The following LRRC3B variants were observed in gnomAD, a reference collection of about 807,000 sequenced individuals.
LRRC3B encodes leucine-rich repeat-containing protein 3B.
Under a neutral mutation model 12.8 loss-of-function variants are expected in LRRC3B, and 2 were observed. The observed-to-expected ratio is 0.16, with a 90% CI of 0.06 to 0.49. The LOEUF is 0.49. Among genes scored for constraint, LRRC3B ranks in the 20% least tolerant of loss-of-function variants. The pLI, the probability that LRRC3B is intolerant of heterozygous loss-of-function variation, is 0.96. For synonymous variants in LRRC3B, 132 were observed against 122.0 expected (o/e 1.08, Z -0.54); for missense variants, 189 against 319.4 (o/e 0.59, Z 3.11).
intron 1 of LRRC3B, among the ~76,000 whole-genome samples, chr3:26,656,826 A>G (rs553634319): frequency 6.6e-6 from 1 of 152,328 alleles, no homozygotes; most frequent in Non-Finnish European, 1.5e-5. Flanking sequence ...ATTTAAAATC[A>G]AAATTAGAGT....
chr3:26,710,454 G>C lies in LRRC3B; in HGVS notation c.*2G>C, dbSNP rs779942185. ...GATGATATTAGCACTGTGGTATAGT[G>C]TCCAAACTGACTGTCATTGAGAAAG... On this transcript the variant is annotated 3_prime_UTR_variant, in exon 2 of 2. Transcript: ENST00000396641. 9.6e-6 allele frequency: 15 copies of C among 1,557,022 alleles called. No individual in the cohort carries two copies. The South Asian group carries it at 1.6e-4, about 16-fold the overall frequency.
At chr3:26,654,112 T>G (rs1699322001) in intron 1 of LRRC3B, among the ~76,000 whole-genome samples, 1 of 152,206 alleles carries the variant, frequency 6.6e-6, no homozygotes, top group South Asian at 2.1e-4. Context: ...TGGAATAGAA[T>G]CATGATTTAA....
At chr3:26,676,662 A>C (rs1203873506) in intron 1 of LRRC3B, among the ~76,000 whole-genome samples, 1 of 152,186 alleles carries the variant, frequency 6.6e-6, no homozygotes, top group Non-Finnish European at 1.5e-5. Flanking sequence ...TAGTTCAACC[A>C]TTGTGGAAGT....
chr3:26,682,724 T>A (rs1204882017), intron 1 of LRRC3B, among the ~76,000 whole-genome samples: 1 of 152,168 alleles, frequency 6.6e-6, no homozygotes, highest in African/African-American at 2.4e-5. Context: ...CCTCTCAGGG[T>A]TCTCACATGA....
At chr3:26,639,085 G>A (rs1461556327) in intron 1 of LRRC3B, among the ~76,000 whole-genome samples, 1 of 152,120 alleles carries the variant, frequency 6.6e-6, no homozygotes, top group Non-Finnish European at 1.5e-5. Flanking sequence ...TCATTAAATA[G>A]TCCCATTCTA....
chr3:26,642,729 G>A (rs766062023), intron 1 of LRRC3B, among the ~76,000 whole-genome samples: 21 of 152,072 alleles, frequency 1.4e-4, no homozygotes, highest in Non-Finnish European at 1.9e-4. Context: ...AATTAAATGC[G>A]CAGAGTTGCC....
At chr3:26,686,583 T>C (rs930584319) in intron 1 of LRRC3B, among the ~76,000 whole-genome samples, 7 of 152,098 alleles carry the variant, frequency 4.6e-5, no homozygotes, top group East Asian at 1.9e-4. Context: ...ACCAACCTCA[T>C]TGAAAAAAGT....
At chr3:26,685,523 C>CTCTCTCTCTA (rs1200535225) in intron 1 of LRRC3B, among the ~76,000 whole-genome samples, 1 of 38,300 alleles carries the variant, frequency 2.6e-5, no homozygotes, top group Non-Finnish European at 4.2e-5. Context: ...CTCTCTCTCT[C>CTCTCTCTCTA]TATATATATA....
At chr3:26,697,384 T>C (rs1700343718) in intron 1 of LRRC3B, among the ~76,000 whole-genome samples, 1 of 152,180 alleles carries the variant, frequency 6.6e-6, no homozygotes, top group Non-Finnish European at 1.5e-5. Flanking sequence ...AGTTGTTACA[T>C]TGCCTTTTCT....
At chr3:26,671,658 G>T (rs1257495102) in intron 1 of LRRC3B, among the ~76,000 whole-genome samples, 1 of 151,880 alleles carries the variant, frequency 6.6e-6, no homozygotes, top group South Asian at 2.1e-4. Flanking sequence ...CTCCCAAAGT[G>T]CTGGGATTAC....
chr3:26,698,261 T>C (rs535793341), intron 1 of LRRC3B, among the ~76,000 whole-genome samples: 1 of 152,300 alleles, frequency 6.6e-6, no homozygotes, highest in South Asian at 2.1e-4. Context: ...CCTTGTGAGG[T>C]GGAACTTTTA....
intron 1 of LRRC3B, among the ~76,000 whole-genome samples, chr3:26,707,185 C>T (rs1231326564): frequency 2.3e-5 from 3 of 132,040 alleles, no homozygotes; most frequent in African/African-American, 8.1e-5. Context: ...AACCCTGTCT[C>T]TACTAAAAAT....
At chr3:26,701,552 T>G (rs1700454651) in intron 1 of LRRC3B, among the ~76,000 whole-genome samples, 1 of 152,032 alleles carries the variant, frequency 6.6e-6, no homozygotes, top group Non-Finnish European at 1.5e-5. Flanking sequence ...TCCTTGAAAA[T>G]CTCTTCCCCT....
chr3:26,643,985 C>T (rs924752076), intron 1 of LRRC3B, among the ~76,000 whole-genome samples: 1 of 152,212 alleles, frequency 6.6e-6, no homozygotes, highest in Non-Finnish European at 1.5e-5. Context: ...ACGCTCTGCT[C>T]AGCATTTCCA....
chr3:26,671,373 T>TATATAGAGAGAGAG lies in LRRC3B; in HGVS notation c.-160-38139_-160-38138insTATAGAGAGAGAGA, dbSNP rs1261897533. Among the ~76,000 whole-genome samples the TATATAGAGAGAGAG allele has an allele frequency of 7.1e-4, 20 of 28,250 alleles. No individual in the cohort carries two copies. The East Asian group carries it at 7.5e-3, about 11-fold the overall frequency. The allele number at this position is 28,250 out of a possible 152,430, so 18.5% of individuals were successfully genotyped here. A position where few individuals can be genotyped will look rare whatever the true frequency, so the allele number is the denominator to read the frequency against. On this transcript the variant is annotated intron_variant, in intron 1 of 1. Transcript: ENST00000396641. ...GTGTATATATATATATATATATATA[T>TATATAGAGAGAGAG]AGAGAGAGAGAGAGAGAGAGAGAGA...
chr3:26,697,761 A>G (rs1488570252), intron 1 of LRRC3B, among the ~76,000 whole-genome samples: 2 of 152,180 alleles, frequency 1.3e-5, no homozygotes, highest in Non-Finnish European at 2.9e-5. Context: ...TAGCATTTAA[A>G]TCAGATGTGC....
At chr3:26,697,087 T>C (rs1700336010) in intron 1 of LRRC3B, among the ~76,000 whole-genome samples, 1 of 152,216 alleles carries the variant, frequency 6.6e-6, no homozygotes, top group East Asian at 1.9e-4. Flanking sequence ...GGGAGTCAGA[T>C]AGAATTGACT....
At chr3:26,648,341 GAA>G (rs2125413199) in intron 1 of LRRC3B, among the ~76,000 whole-genome samples, 1 of 152,146 alleles carries the variant, frequency 6.6e-6, no homozygotes, top group Admixed American at 6.5e-5. Flanking sequence ...TCAGAAGGTG[GAA>G]ACCCCTCCTT....
At chr3:26,696,704 A>G (rs189142985) in intron 1 of LRRC3B, among the ~76,000 whole-genome samples, 2 of 152,196 alleles carry the variant, frequency 1.3e-5, no homozygotes, top group Admixed American at 1.3e-4. Flanking sequence ...CCACATTTCT[A>G]TCTCATCCTG....
Sources: gnomAD v4.1 joint callset for allele counts (sites outside exome capture counted in the v4.1 genomes callset) on GRCh38, gnomAD v4.1.1 for gene constraint, MANE v1.5 for transcripts, NCBI Gene and HGNC (gene_info 2026-07-23, HGNC 2026-07-21) for gene names.